FBXO38: variants seen among roughly 807,000 people sequenced by gnomAD.
FBXO38 encodes F-box only protein 38.
Under a neutral mutation model 131.9 loss-of-function variants are expected in FBXO38, and 53 were observed. The observed-to-expected ratio is 0.40, with a 90% CI of 0.32 to 0.51. The LOEUF (loss-of-function observed/expected upper bound fraction) is 0.51. Among genes scored for constraint, FBXO38 ranks in the 20% least tolerant of loss-of-function variants. The pLI is 0.53. For missense variants in FBXO38, 1,076 were observed against 1,475.6 expected, an observed-to-expected ratio of 0.73 and a Z score of 4.44; for synonymous variants, 452 against 505.6, an observed-to-expected ratio of 0.89 and a Z score of 1.42.
intron 17 of FBXO38, among the ~76,000 whole-genome samples, chr5:148,436,094 A>G (rs1754331571): frequency 6.6e-6 from 1 of 152,256 alleles, no homozygotes. Flanking sequence ...AAGAATTATT[A>G]AAGTGTAACC....
intron 6 of FBXO38, among the ~76,000 whole-genome samples, chr5:148,405,467 C>T (rs1008770628): frequency 2.0e-5 from 3 of 152,044 alleles, no homozygotes; most frequent in African/African-American, 4.8e-5. Flanking sequence ...TATTGGACAC[C>T]GCTGCACTAG....
intron 13 of FBXO38, among the ~76,000 whole-genome samples, 179 bp downstream of exon 13, chr5:148,424,296 A>G (rs1352137564): frequency 6.6e-6 from 1 of 152,216 alleles, no homozygotes; most frequent in Non-Finnish European, 1.5e-5. Context: ...ATCTTACTAA[A>G]GTTTGTCTTT....
chr5:148,420,107 G>T (rs1327268260), intron 12 of FBXO38, among the ~76,000 whole-genome samples: 1 of 150,198 alleles, frequency 6.7e-6, no homozygotes, highest in Non-Finnish European at 1.5e-5. Context: ...AAGAATAAAT[G>T]ATTACAGTTT....
At chr5:148,398,137 ACAGGAAC>A (rs1034784072) in intron 2 of FBXO38, among the ~76,000 whole-genome samples, 4 of 152,110 alleles carry the variant, frequency 2.6e-5, no homozygotes, top group Non-Finnish European at 5.9e-5. Context: ...TGTATGCCAA[ACAGGAAC>A]CAGCTAGTTA....
intron 11 of FBXO38, chr5:148,416,727 G>T: frequency 2.4e-6 from 1 of 416,550 alleles, no homozygotes; most frequent in Non-Finnish European, 4.3e-6. Flanking sequence ...TCAAATTGCG[G>T]CTCTACCACT....
Position 148,425,379 on chromosome 5 carries a change from C to T in FBXO38, c.1739-143C>T, listed in dbSNP as rs147697497. The T allele has an allele frequency of 1.2e-4, 68 of 582,220 alleles. No homozygotes were observed. In the African/African-American group the frequency reaches 1.2e-3, roughly 10 times the overall value. The allele number at this position is 582,220 out of a possible 1,614,324, so 36.1% of individuals were successfully genotyped here. On this transcript the variant is annotated intron_variant, in intron 13 of 21. Coordinates refer to ENST00000340253, the MANE Select transcript of FBXO38 (RefSeq NM_205836.3). ...GCTTTCACAGTATCTTATCCAAGTG[C>T]ATTATCAGTTAAAATGTGTGCCAGG...
At position 148,409,211 on chromosome 5, in the gene FBXO38, C is replaced by A; in HGVS notation, c.956C>A (p.Ala319Asp). The A allele has an allele frequency of 6.3e-7, 1 of 1,586,586 alleles. No homozygotes were observed. Among genetic ancestry groups the A allele is most frequent in the Non-Finnish European group, 8.7e-7 (1 of 1,155,096 alleles). The change falls in exon 8 of 22, where the codon GCC becomes GAC. Residue 319 changes from alanine (A) to aspartate (D), a missense_variant. By Grantham distance (126) the Ala-to-Asp change is moderately radical. Transcript: ENST00000340253. Reference sequence around the variant, plus strand: ...CTTGGTTACCTCATCATTACTGCTGCCCGTAGGTATGTTTCCTCTTTGTAT... The same window carrying A: ...CTTGGTTACCTCATCATTACTGCTGACCGTAGGTATGTTTCCTCTTTGTAT... ...VDLGYLIITA[A>D]RRLHEVRIQP... is the part of the protein sequence containing the mutation.
Position 148,430,160 on chromosome 5 carries a change from T to TTTA in FBXO38, c.2653+2215_2653+2216insATT, listed in dbSNP as rs1561542129. 94 of 124,380 alleles carry TTTA rather than the reference T, an allele frequency of 7.6e-4. 1 individual carries two copies. The highest frequency in any genetic ancestry group is 3.7e-3 in the Middle Eastern group (1 of 270). 7.7% of individuals were successfully genotyped at this position (124,380 alleles called of 1,614,324 possible). On this transcript the variant is annotated intron_variant, in intron 15 of 21. Transcript: ENST00000340253. The stretch of plus-strand genomic sequence containing the variant: ...TAATTATAATTATTATTATTATTAT[T>TTTA]TTTTTTTTTTTTGAGACGAATTCTC...
chr5:148,392,077 A>G (rs1244092874), intron 1 of FBXO38, among the ~76,000 whole-genome samples: 3 of 152,210 alleles, frequency 2.0e-5, no homozygotes, highest in African/African-American at 4.8e-5. Flanking sequence ...GCTTCAGTAT[A>G]GAGTATAGCA....
At chr5:148,390,139 T>C (rs1758126079) in intron 1 of FBXO38, 1 of 152,132 alleles carries the variant, frequency 6.6e-6, no homozygotes, top group Admixed American at 6.5e-5. Flanking sequence ...CATCAGTACC[T>C]GAGATGAAAT....
chr5:148,386,190 C>A (rs1204057168), intron 1 of FBXO38, among the ~76,000 whole-genome samples: 1 of 152,162 alleles, frequency 6.6e-6, no homozygotes, highest in Non-Finnish European at 1.5e-5. Flanking sequence ...GCAGTTCTAT[C>A]AGAGCATCTA....
chr5:148,390,048 G>C (rs542412322), intron 1 of FBXO38: 1 of 148,832 alleles, frequency 6.7e-6, no homozygotes, highest in South Asian at 2.1e-4. Context: ...AAAAAAAAAA[G>C]GTACCATCAC....
At chr5:148,403,947 T>A (rs1752301257) in intron 5 of FBXO38, among the ~76,000 whole-genome samples, 2 of 152,204 alleles carry the variant, frequency 1.3e-5, no homozygotes, top group Non-Finnish European at 2.9e-5. Context: ...CCATATTTCC[T>A]GTATTTTTTC....
chr5:148,415,367 A>G (rs1301608373), intron 10 of FBXO38: 4 of 152,930 alleles, frequency 2.6e-5, no homozygotes, highest in Non-Finnish European at 5.8e-5. Flanking sequence ...GTACAAAATG[A>G]AAACTCTCCT....
chr5:148,404,267 C>G (rs1458958054), intron 5 of FBXO38, among the ~76,000 whole-genome samples: 1 of 152,170 alleles, frequency 6.6e-6, no homozygotes, highest in Non-Finnish European at 1.5e-5. Flanking sequence ...AGTTCTCCTA[C>G]TAGGGGGCAG....
Position 148,406,296 on chromosome 5 carries a change from G to C in FBXO38, c.770G>C (p.Gly257Ala). 1 of 1,608,766 alleles carries C rather than the reference G, an allele frequency of 6.2e-7. No homozygotes were observed. The highest frequency in any genetic ancestry group is 8.5e-7 in the Non-Finnish European group (1 of 1,177,618). The change falls in exon 7 of 22, where the codon GGC becomes GCC. Residue 257 changes from glycine to alanine, a missense_variant. Gly to Ala is a moderately conservative substitution (Grantham distance 60, BLOSUM62 0). Around this residue, in one of 8 missense-constraint regions of FBXO38, gnomAD observed 66 missense variants for 72.4 expected, o/e 0.91. Transcript: ENST00000340253. ...NSLKYVPLVT[G>A]LASARNLEHL... is the part of the protein sequence containing the mutation. ...TTGAAATATGTCCCTTTAGTAACAG[G>C]CTTAGCCTCTGCCCGAAACTTGGAA...
intron 21 of FBXO38, chr5:148,441,438 G>T: frequency 2.1e-6 from 1 of 471,048 alleles, no homozygotes; most frequent in Non-Finnish European, 3.7e-6. Context: ...TATAAAGGCT[G>T]GTAGAAAGGA....
At chr5:148,411,091 T>G (rs1752723937) in intron 9 of FBXO38, among the ~76,000 whole-genome samples, 1 of 152,188 alleles carries the variant, frequency 6.6e-6, no homozygotes, top group South Asian at 2.1e-4. Flanking sequence ...ATGTCATCCT[T>G]GGTTCCATTG....
chr5:148,430,362 G>A (rs1335612170), intron 15 of FBXO38: 2 of 149,302 alleles, frequency 1.3e-5, no homozygotes, highest in Admixed American at 1.3e-4. Flanking sequence ...ACGGAGTCTT[G>A]CTTTGTTGCC....
Sources: gnomAD v4.1 joint callset for allele counts (sites outside exome capture counted in the v4.1 genomes callset) on GRCh38, gnomAD v4.1.1 for gene constraint, gnomAD v4.1.1 regional missense constraint, MANE v1.5 for transcripts, NCBI Gene and HGNC (gene_info 2026-07-23, HGNC 2026-07-21) for gene names.